ZSCAN26: variants seen among roughly 807,000 people sequenced by gnomAD.
ZSCAN26 encodes the protein zinc finger and SCAN domain-containing protein 26.
A neutral mutation model predicts 23.0 loss-of-function variants in ZSCAN26; 26 were observed. The observed-to-expected ratio is 1.13, with a 90% CI of 0.83 to 1.57. The LOEUF (loss-of-function observed/expected upper bound fraction) is 1.57. Ranked by LOEUF, ZSCAN26 falls within the 40% of genes most tolerant of loss-of-function variation. The pLI, the probability that ZSCAN26 is intolerant of heterozygous loss-of-function variation, is 0.00. For missense variants in ZSCAN26, 528 were observed against 568.5 expected, an observed-to-expected ratio of 0.93 and a Z score of 0.72; for synonymous variants, 180 against 202.5, an observed-to-expected ratio of 0.89 and a Z score of 0.94.
intron 1 of ZSCAN26, among the ~76,000 whole-genome samples, chr6:28,270,073 A>G (rs1462433966): frequency 2.0e-5 from 3 of 152,098 alleles, no homozygotes; most frequent in African/African-American, 7.2e-5. Context: ...CCTCCCGAGT[A>G]GCTAGGACTA....
intron 1 of ZSCAN26, among the ~76,000 whole-genome samples, chr6:28,271,604 C>G (rs1474739803): frequency 6.6e-6 from 1 of 152,156 alleles, no homozygotes; most frequent in Non-Finnish European, 1.5e-5. Flanking sequence ...GCTGAGATGA[C>G]AAGTGTAAGC....
Position 28,276,635 on chromosome 6 carries a change from T to C in ZSCAN26, c.979T>C (p.Leu327=). The change falls in exon 4 of 4, where the codon TTG becomes CTG. Residue 327 remains leucine (L), a synonymous_variant. Coordinates refer to ENST00000421553, the MANE Select transcript of ZSCAN26 (RefSeq NM_001023560.4). ...GKVFSQNAGL[L]EHLRIHTGEK... is the part of the protein sequence containing the mutation. ...AGTCTTTAGCCAGAATGCAGGCCTT[T>C]TGGAACATCTCAGAATTCATACTGG... 6.2e-7 allele frequency: 1 copy of C among 1,611,988 alleles called. No individual in the cohort carries two copies. Among genetic ancestry groups the C allele is most frequent in the Non-Finnish European group, 8.5e-7 (1 of 1,178,964 alleles).
At chr6:28,272,545 T>C (rs190803245) in intron 2 of ZSCAN26, 125 bp from the exon 3 acceptor site, 1 of 1,024,362 alleles carries the variant, frequency 9.8e-7, no homozygotes, top group African/African-American at 1.6e-5. Context: ...TTCCCCATCT[T>C]CTTTTCTTTG....
intron 2 of ZSCAN26, 25 bp downstream of exon 2, chr6:28,272,364 C>G: frequency 2.7e-6 from 4 of 1,472,184 alleles, no homozygotes; most frequent in Non-Finnish European, 2.7e-6. Flanking sequence ...TGCTCTTTTT[C>G]AGGAATGCAG....
Position 28,277,746 on chromosome 6 carries a change from T to G in ZSCAN26, c.*650T>G, listed in dbSNP as rs1378920211. 1 of 152,204 alleles carries G rather than the reference T, an allele frequency of 6.6e-6. No homozygotes were observed. The highest frequency in any genetic ancestry group is 1.5e-5 in the Non-Finnish European group (1 of 68,036). The allele number at this position is 152,204 out of a possible 1,614,324, so 9.4% of individuals were successfully genotyped here. A position where few individuals can be genotyped will look rare whatever the true frequency, so the allele number is the denominator to read the frequency against. On this transcript the variant is annotated 3_prime_UTR_variant, in exon 4 of 4. Transcript: ENST00000421553. The stretch of plus-strand genomic sequence containing the variant: ...TTCCCATCCCCATTCCCCACCACAT[T>G]ATGTCAAGATTCAAGTTATAAATTA...
Position 28,271,952 on chromosome 6 carries a change from G to A in ZSCAN26, c.33G>A (p.Leu11=). 1 of 1,551,604 alleles carries A rather than the reference G, an allele frequency of 6.4e-7. No individual in the cohort carries two copies. The highest frequency in any genetic ancestry group is 1.4e-5 in the African/African-American group (1 of 73,178). Residue 11 remains leucine, a synonymous_variant, in exon 2 of 4, where the codon CTG becomes CTA. Transcript: ENST00000421553. MATALVSAHS[L]APLNLKKEGL... Reference sequence around the variant, plus strand: ...CAGCATTGGTGAGTGCCCATTCCCTGGCTCCCCTGAATCTGAAGAAGGAGG... The same window carrying A: ...CAGCATTGGTGAGTGCCCATTCCCTAGCTCCCCTGAATCTGAAGAAGGAGG...
Position 28,276,494 on chromosome 6 carries a change from G to T in ZSCAN26, c.838G>T (p.Glu280Ter). Residue 280 changes from glutamate (E) to a stop codon, truncating the protein, a stop_gained, in exon 4 of 4, where the codon GAG becomes TAG. Coordinates refer to ENST00000421553, the MANE Select transcript of ZSCAN26 (RefSeq NM_001023560.4). LOFTEE classifies it low-confidence loss of function (END_TRUNC). ...LTGHKKVLSREKGHQCHECGK... is the reference protein window; with the variant it reads ...LTGHKKVLSR ...AGGACATAAGAAAGTCCTCTCTAGA[G>T]AGAAAGGTCATCAGTGTCATGAGTG... is the stretch of plus-strand genomic sequence containing the variant. 1.9e-6 allele frequency: 3 copies of T among 1,613,972 alleles called. No individual in the cohort carries two copies. Among genetic ancestry groups the T allele is most frequent in the Non-Finnish European group, 2.5e-6 (3 of 1,179,860 alleles).
Position 28,272,022 on chromosome 6 carries a change from G to A in ZSCAN26, c.103G>A (p.Gly35Arg), listed in dbSNP as rs1761707512. 6.4e-7 allele frequency: 1 copy of A among 1,551,720 alleles called. No homozygotes were observed. The highest frequency in any genetic ancestry group is 8.7e-7 in the Non-Finnish European group (1 of 1,147,070). The change falls in exon 2 of 4, where the codon GGA becomes AGA. Residue 35 changes from glycine (G) to arginine (R), a missense_variant. By Grantham distance (125) the Gly-to-Arg change is moderately radical. Transcript: ENST00000421553. ...REDHYSTWEQ[G>R]FKLQGNSKGL... ...GGATCACTACTCTACTTGGGAACAG[G>A]GATTCAAGCTGCAAGGAAACAGTAA...
chr6:28,275,346 C>A (rs1361681287), intron 3 of ZSCAN26, among the ~76,000 whole-genome samples: 1 of 152,204 alleles, frequency 6.6e-6, no homozygotes, highest in Non-Finnish European at 1.5e-5. Context: ...ATTCTTCTCA[C>A]CCGTCTGCTT....
intron 1 of ZSCAN26, among the ~76,000 whole-genome samples, chr6:28,270,920 A>G (rs1385601160): frequency 6.6e-6 from 1 of 152,258 alleles, no homozygotes; most frequent in African/African-American, 2.4e-5. Context: ...TTTCCCTTAT[A>G]AATCAGTGAA....
chr6:28,272,185 A>G lies in ZSCAN26; in HGVS notation c.266A>G (p.Gln89Arg). 6.2e-7 allele frequency: 1 copy of G among 1,614,066 alleles called. No homozygotes were observed. The highest frequency in any genetic ancestry group is 8.5e-7 in the Non-Finnish European group (1 of 1,180,010). Residue 89 changes from glutamine (Q) to arginine (R), a missense_variant, in exon 2 of 4, where the codon CAG becomes CGG. Coordinates refer to ENST00000421553, the MANE Select transcript of ZSCAN26 (RefSeq NM_001023560.4). ...CAGCCCGAGACCCATACCAAGGAGC[A>G]GATCCTGGAGCTGCTGGTGCTGGAG... Reference protein sequence around the residue: ...WLQPETHTKEQILELLVLEQF... With the variant: ...WLQPETHTKERILELLVLEQF...
At chr6:28,267,280 C>T (rs1361669172) in intron 1 of ZSCAN26, 67 bp downstream of exon 1, 1 of 152,348 alleles carries the variant, frequency 6.6e-6, no homozygotes, top group Admixed American at 6.5e-5. Flanking sequence ...TAGGGAGCAG[C>T]TGCTTCCCGG....
chr6:28,273,882 G>A (rs1761826932), intron 3 of ZSCAN26, among the ~76,000 whole-genome samples: 1 of 151,606 alleles, frequency 6.6e-6, no homozygotes, highest in African/African-American at 2.4e-5. Flanking sequence ...ACCACACCTG[G>A]CTTTTTATTA....
Position 28,276,303 on chromosome 6 carries a change from G to T in ZSCAN26, c.647G>T (p.Gly216Val), listed in dbSNP as rs1266922752. 3 of 1,613,984 alleles carry T rather than the reference G, an allele frequency of 1.9e-6. No homozygotes were observed. The East Asian group carries it at 6.7e-5, about 36-fold the overall frequency. ...GAACCCATGGAGGCTCATAATGAGG[G>T]CTCTAACTTGGAAAGGCATCAGGCC... is the stretch of plus-strand genomic sequence containing the variant. ...ISEPMEAHNE[G>V]SNLERHQAKP... Residue 216 changes from glycine (G) to valine (V), a missense_variant, in exon 4 of 4, where the codon GGC (glycine) becomes GTC (valine). Gly to Val is a moderately radical substitution (Grantham distance 109). Coordinates refer to ENST00000421553, the MANE Select transcript of ZSCAN26 (RefSeq NM_001023560.4).
chr6:28,276,360 C>T lies in ZSCAN26; in HGVS notation c.704C>T (p.Ser235Leu), dbSNP rs767007169. ...AAAGAGAAGATTGAGTATAAATGCT[C>T]AGAACGTGAGCAGAGATTCATCCAG... ...KPKEKIEYKC[S>L]EREQRFIQHL... The change falls in exon 4 of 4, where the codon TCA becomes TTA. Residue 235 changes from serine (S) to leucine (L), a missense_variant. Ser to Leu is a moderately radical substitution (Grantham distance 145). Transcript: ENST00000421553. 1 of 1,613,938 alleles carries T rather than the reference C, an allele frequency of 6.2e-7. No homozygotes were observed. Among genetic ancestry groups the T allele is most frequent in the Non-Finnish European group, 8.5e-7 (1 of 1,179,872 alleles).
rs1433764176 is a variant in ZSCAN26 at position 28,276,234 on chromosome 6, T to A, written c.578T>A (p.Val193Glu). 6.2e-7 allele frequency: 1 copy of A among 1,613,726 alleles called. No individual in the cohort carries two copies. Among genetic ancestry groups the A allele is most frequent in the Non-Finnish European group, 8.5e-7 (1 of 1,179,766 alleles). ...TRIENGKLIVVTDSCGRVESS... is the reference protein window; with the variant it reads ...TRIENGKLIVETDSCGRVESS... ...ATTGAGAATGGGAAGCTTATTGTAGTAACAGACTCTTGTGGAAGAGTAGAG... is the reference window on the plus strand; with the variant it reads ...ATTGAGAATGGGAAGCTTATTGTAGAAACAGACTCTTGTGGAAGAGTAGAG... The change falls in exon 4 of 4, where the codon GTA becomes GAA. Residue 193 changes from valine (V) to glutamate (E), a missense_variant. Coordinates refer to ENST00000421553, the MANE Select transcript of ZSCAN26 (RefSeq NM_001023560.4).
Position 28,276,629 on chromosome 6 carries a change from G to A in ZSCAN26, c.973G>A (p.Gly325Ser), listed in dbSNP as rs902930746. The A allele has an allele frequency of 8.7e-6, 14 of 1,611,846 alleles. No homozygotes were observed. Among genetic ancestry groups the A allele is most frequent in the Admixed American group, 1.7e-5 (1 of 59,606 alleles). ...ECGKVFSQNA[G>S]LLEHLRIHTG... is the part of the protein sequence containing the mutation. ...TGGCAAAGTCTTTAGCCAGAATGCAGGCCTTTTGGAACATCTCAGAATTCA... is the reference window on the plus strand; with the variant it reads ...TGGCAAAGTCTTTAGCCAGAATGCAAGCCTTTTGGAACATCTCAGAATTCA... The change falls in exon 4 of 4, where the codon GGC becomes AGC. Residue 325 changes from glycine (G) to serine (S), a missense_variant. Physicochemically the swap from Gly to Ser is moderately conservative, Grantham distance 56. Coordinates refer to ENST00000421553, the MANE Select transcript of ZSCAN26 (RefSeq NM_001023560.4).
At position 28,272,128 on chromosome 6, in the gene ZSCAN26, G is replaced by A. The variant is rs1382967879; in HGVS notation, c.209G>A (p.Ser70Asn). ...ACCACAGGACCTCGAGAAGCACTAA[G>A]TCGGCTCCGGGAGCTCTGTCAACAG... ...EETTGPREAL[S>N]RLRELCQQWL... The change falls in exon 2 of 4, where the codon AGT becomes AAT. Residue 70 changes from serine (S) to asparagine (N), a missense_variant. Transcript: ENST00000421553. 5 of 1,607,464 alleles carry A rather than the reference G, an allele frequency of 3.1e-6. No individual in the cohort carries two copies. In the African/African-American group the frequency reaches 5.4e-5, roughly 17 times the overall value.
chr6:28,273,631 A>G (rs1027305144), intron 3 of ZSCAN26, among the ~76,000 whole-genome samples: 6 of 149,840 alleles, frequency 4.0e-5, no homozygotes, highest in African/African-American at 7.3e-5. Flanking sequence ...ATTTTTTAAC[A>G]TTTCCTTCAA....
Sources: allele counts gnomAD v4.1 joint callset (sites outside exome capture counted in the v4.1 genomes callset), GRCh38; gene constraint gnomAD v4.1.1; transcripts MANE v1.5; gene names NCBI Gene and HGNC (gene_info 2026-07-23, HGNC 2026-07-21).